DHX32: variants seen among roughly 807,000 people sequenced by gnomAD.
DHX32 encodes putative pre-mRNA-splicing factor ATP-dependent RNA helicase DHX32.
DHX32 carries 51 observed loss-of-function variants against 70.0 expected under a neutral mutation model. That is an observed-to-expected ratio of 0.73 (90% CI 0.58 to 0.92). DHX32 has a LOEUF of 0.92. Ranked by LOEUF, DHX32 falls within the 40% of genes least tolerant of loss-of-function variation. The pLI is 0.00. For synonymous variants in DHX32, 310 were observed against 315.3 expected (o/e 0.98, Z 0.18); for missense variants, 762 against 891.8 (o/e 0.85, Z 1.85).
chr10:125,872,612 C>T (rs1412348183), intron 1 of DHX32, among the ~76,000 whole-genome samples: 2 of 152,210 alleles, frequency 1.3e-5, no homozygotes, highest in Admixed American at 6.5e-5. Context: ...TACTTCACAT[C>T]TCTTTATTCT....
chr10:125,865,202 T>C (rs1263150517), intron 2 of DHX32, among the ~76,000 whole-genome samples: 2 of 152,072 alleles, frequency 1.3e-5, no homozygotes, highest in East Asian at 1.9e-4. Context: ...TTAGGGATCC[T>C]TCACCCTTTC....
intron 1 of DHX32, 123 bp downstream of exon 1, chr10:125,880,420 C>A: frequency 2.0e-6 from 2 of 999,498 alleles, no homozygotes; most frequent in South Asian, 2.2e-5. Flanking sequence ...ATTATTTTAT[C>A]TGAATAATGT....
intron 4 of DHX32, chr10:125,853,083 T>C (rs1482940285): frequency 7.1e-7 from 1 of 1,413,936 alleles, no homozygotes; most frequent in African/African-American, 1.4e-5. Flanking sequence ...TAACAGCTAA[T>C]ACAGAAACTG....
upstream of DHX32, among the ~76,000 whole-genome samples, chr10:125,884,444 T>C (rs758605363): frequency 3.9e-5 from 6 of 152,244 alleles, no homozygotes; most frequent in Non-Finnish European, 8.8e-5. Context: ...AATTTAAATC[T>C]GAAAGATTGA....
chr10:125,864,100 G>T (rs1202257947), intron 2 of DHX32, among the ~76,000 whole-genome samples: 2 of 152,212 alleles, frequency 1.3e-5, no homozygotes, highest in Non-Finnish European at 2.9e-5. Flanking sequence ...ATACCAGGAA[G>T]AAAACAGGTG....
chr10:125,837,593 ATTT>A (rs1001917226), intron 10 of DHX32, among the ~76,000 whole-genome samples: 2 of 151,962 alleles, frequency 1.3e-5, no homozygotes, highest in Non-Finnish European at 2.9e-5. Flanking sequence ...CACCCGGCTA[ATTT>A]TTTTATTTTG....
intron 6 of DHX32, among the ~76,000 whole-genome samples, chr10:125,846,450 AG>A (rs1944021795): frequency 6.6e-6 from 1 of 152,220 alleles, no homozygotes; most frequent in African/African-American, 2.4e-5. Flanking sequence ...TTTCCTCATA[AG>A]GGTGAGGCTC....
At chr10:125,890,627 T>A (rs1285872443) in intron 1 of DHX32, 2 of 152,450 alleles carry the variant, frequency 1.3e-5, no homozygotes, top group Admixed American at 6.5e-5. Context: ...CAATATTATA[T>A]TAATAACAAC....
At chr10:125,870,658 G>A (rs578152613) in intron 1 of DHX32, among the ~76,000 whole-genome samples, 5 of 152,092 alleles carry the variant, frequency 3.3e-5, no homozygotes, top group African/African-American at 7.2e-5. Context: ...CCAACGTGAC[G>A]AAACCCCATC....
intron 1 of DHX32, among the ~76,000 whole-genome samples, chr10:125,892,141 AC>A (rs1340671931): frequency 6.6e-6 from 1 of 152,270 alleles, no homozygotes; most frequent in Non-Finnish European, 1.5e-5. Flanking sequence ...TCAATGAATA[AC>A]AGAACAATCC....
chr10:125,889,701 C>T (rs1944358868), intron 1 of DHX32, among the ~76,000 whole-genome samples: 1 of 152,146 alleles, frequency 6.6e-6, no homozygotes. Context: ...TTTGAGAAGC[C>T]TGGTTCCATA....
intron 6 of DHX32, among the ~76,000 whole-genome samples, chr10:125,846,896 C>G (rs1944028787): frequency 6.6e-6 from 1 of 152,132 alleles, no homozygotes; most frequent in Admixed American, 6.6e-5. Context: ...AGACTCTGCC[C>G]AGTTCCTAAC....
chr10:125,841,514 G>A, intron 7 of DHX32: 6 of 1,433,464 alleles, frequency 4.2e-6, no homozygotes, highest in Admixed American at 3.1e-5. Flanking sequence ...TACATCTGAT[G>A]TATAAATTTG....
chr10:125,893,819 G>A (rs1407329519), intron 1 of DHX32, among the ~76,000 whole-genome samples: 1 of 152,288 alleles, frequency 6.6e-6, no homozygotes, highest in East Asian at 1.9e-4. Flanking sequence ...ACTTACCACA[G>A]TAAGGCTAGA....
At chr10:125,890,511 C>G (rs1944363966) in intron 1 of DHX32, 1 of 151,920 alleles carries the variant, frequency 6.6e-6, no homozygotes, top group Non-Finnish European at 1.5e-5. Context: ...TTTAAGTAAG[C>G]AAATCTAGTT....
At chr10:125,890,350 C>T (rs1288586819) in intron 1 of DHX32, among the ~76,000 whole-genome samples, 1 of 152,220 alleles carries the variant, frequency 6.6e-6, no homozygotes, top group African/African-American at 2.4e-5. Context: ...CTTTGTTTGC[C>T]TTTGTTTTAA....
intron 6 of DHX32, among the ~76,000 whole-genome samples, chr10:125,845,823 C>T (rs1484376054): frequency 6.6e-6 from 1 of 152,244 alleles, no homozygotes; most frequent in East Asian, 1.9e-4. Flanking sequence ...GCCACCCGCA[C>T]CGTGAGGCAG....
intron 1 of DHX32, among the ~76,000 whole-genome samples, chr10:125,874,305 T>C (rs993095955): frequency 4.6e-5 from 7 of 152,226 alleles, no homozygotes; most frequent in African/African-American, 1.7e-4. Flanking sequence ...ATGCTCCCAC[T>C]ATCTAAATTA....
chr10:125,890,922 C>T (rs1047468965), intron 1 of DHX32, among the ~76,000 whole-genome samples: 1 of 151,674 alleles, frequency 6.6e-6, no homozygotes, highest in Non-Finnish European at 1.5e-5. Flanking sequence ...AAATAGAGGT[C>T]ACTTAATAGA....
Sources: gnomAD v4.1 joint callset for allele counts (sites outside exome capture counted in the v4.1 genomes callset) on GRCh38, gnomAD v4.1.1 for gene constraint, MANE v1.5 for transcripts, NCBI Gene and HGNC (gene_info 2026-07-23, HGNC 2026-07-21) for gene names.